NOL4: variants seen among roughly 807,000 people sequenced by gnomAD.
NOL4 encodes the protein cancer/testis antigen 125.
Under a neutral mutation model 75.9 loss-of-function variants are expected in NOL4, and 17 were observed. The ratio of observed to expected loss-of-function variants is 0.22; its 90% CI spans 0.15 to 0.34. The LOEUF (loss-of-function observed/expected upper bound fraction) is 0.34. Ranked by LOEUF, NOL4 falls within the 10% of genes least tolerant of loss-of-function variation. NOL4 has a pLI of 1.00. For missense variants in NOL4, 614 were observed against 793.5 expected (o/e 0.77, Z 2.72); for synonymous variants, 292 against 289.9 (o/e 1.01, Z -0.07).
intron 5 of NOL4, among the ~76,000 whole-genome samples, chr18:34,079,230 A>C (rs2077885191): frequency 1.3e-5 from 2 of 152,026 alleles, no homozygotes; most frequent in African/African-American, 4.8e-5. Flanking sequence ...TTCTCCCCTA[A>C]TTATCCCCAA....
intron 9 of NOL4, among the ~76,000 whole-genome samples, chr18:33,925,817 G>A (rs1379202898): frequency 6.6e-6 from 1 of 152,094 alleles, no homozygotes. Flanking sequence ...AAGGAAACAA[G>A]AAAGGAAGGA....
intron 9 of NOL4, among the ~76,000 whole-genome samples, chr18:33,899,789 G>T (rs1050068476): frequency 2.6e-5 from 4 of 152,128 alleles, no homozygotes; most frequent in African/African-American, 4.8e-5. Flanking sequence ...AGGGGGAATA[G>T]TGTTGGACTT....
At chr18:33,912,124 G>T (rs980440211) in intron 9 of NOL4, among the ~76,000 whole-genome samples, 3 of 152,090 alleles carry the variant, frequency 2.0e-5, no homozygotes, top group African/African-American at 7.2e-5. Context: ...AGTCGACAGA[G>T]ACTGAGTGGC....
rs1207006632 is a variant in NOL4, at chr18:33,852,254, T to TA, written c.*587dup. ...GGCAAAGGGATGTGGAAAAGGTACT[T>TA]ACAGTAGTTTCTCAAAACAGTTTTC... On this transcript the variant is annotated 3_prime_UTR_variant, in exon 11 of 11. Coordinates refer to ENST00000261592, the MANE Select transcript of NOL4 (RefSeq NM_003787.5). 6.6e-6 allele frequency: 1 copy of TA among 152,456 alleles called. No individual in the cohort carries two copies. Among genetic ancestry groups the TA allele is most frequent in the Non-Finnish European group, 1.5e-5 (1 of 67,984 alleles). 9.4% of individuals were successfully genotyped at this position (152,456 alleles called of 1,614,324 possible).
intron 6 of NOL4, among the ~76,000 whole-genome samples, chr18:33,978,318 G>A (rs1416964299): frequency 2.6e-5 from 4 of 152,152 alleles, no homozygotes; most frequent in African/African-American, 9.7e-5. Flanking sequence ...AGGTAGAGTA[G>A]GATAGGAAAA....
At chr18:34,092,719 T>C (rs2078585947) in intron 5 of NOL4, among the ~76,000 whole-genome samples, 1 of 152,182 alleles carries the variant, frequency 6.6e-6, no homozygotes, top group African/African-American at 2.4e-5. Context: ...TTTAAAACCC[T>C]TTTTGTCAGC....
At chr18:34,165,971 C>G (rs985841159) in intron 1 of NOL4, among the ~76,000 whole-genome samples, 1 of 151,812 alleles carries the variant, frequency 6.6e-6, no homozygotes, top group Admixed American at 6.6e-5. Flanking sequence ...TAACTGTGTA[C>G]TAGAAAAAAG....
At chr18:33,976,106 C>T (rs1481780091) in intron 6 of NOL4, among the ~76,000 whole-genome samples, 2 of 152,124 alleles carry the variant, frequency 1.3e-5, no homozygotes, top group East Asian at 3.9e-4. Flanking sequence ...ATCTTAGACA[C>T]TAAACACATT....
chr18:33,873,057 A>C (rs2063772345), intron 10 of NOL4, among the ~76,000 whole-genome samples: 1 of 151,946 alleles, frequency 6.6e-6, no homozygotes, highest in Admixed American at 6.6e-5. Context: ...ATAACTGCAT[A>C]ATTCCAGTTA....
chr18:34,032,772 CA>C (rs750342776), intron 5 of NOL4, among the ~76,000 whole-genome samples: 6 of 152,244 alleles, frequency 3.9e-5, no homozygotes, highest in Non-Finnish European at 8.8e-5. Flanking sequence ...CCTGAACCAA[CA>C]AACACCAGGG....
At chr18:33,963,969 T>C (rs2070365172) in intron 6 of NOL4, among the ~76,000 whole-genome samples, 1 of 152,152 alleles carries the variant, frequency 6.6e-6, no homozygotes, top group Non-Finnish European at 1.5e-5. Flanking sequence ...AAGGCGAACC[T>C]GTGTTTCCTC....
At position 34,019,463 on chromosome 18, in the gene NOL4, A is replaced by T; in HGVS notation, c.911T>A (p.Leu304Gln). 6.2e-7 allele frequency: 1 copy of T among 1,614,024 alleles called. No homozygotes were observed. The highest frequency in any genetic ancestry group is 1.3e-5 in the African/African-American group (1 of 75,010). Residue 304 changes from leucine to glutamine, a missense_variant, in exon 6 of 11, where the codon CTG becomes CAG. Physicochemically the swap from Leu to Gln is moderately radical, Grantham distance 113. Around this residue, in one of 9 missense-constraint regions of NOL4, gnomAD observed 196 missense variants for 167.9 expected, o/e 1.17. Transcript: ENST00000261592. ...AGAGAGGGGACTGTCACTCAGGTTC[A>T]GTGGCTGTTCATCTTGCTCCAGCCC... Reference protein sequence around the residue: ...KTGLEQDEQPLNLSDSPLSAQ... With the variant: ...KTGLEQDEQPQNLSDSPLSAQ...
chr18:34,210,324 G>A (rs1187883498), intron 1 of NOL4, among the ~76,000 whole-genome samples: 1 of 152,146 alleles, frequency 6.6e-6, no homozygotes, highest in Non-Finnish European at 1.5e-5. Context: ...AAGTAGTTCA[G>A]AATTCGAAGT....
intron 6 of NOL4, among the ~76,000 whole-genome samples, chr18:34,006,690 A>T (rs1020048800): frequency 2.0e-5 from 3 of 152,074 alleles, no homozygotes; most frequent in African/African-American, 7.2e-5. Flanking sequence ...GACTCAATTT[A>T]CAGCAAAATA....
At chr18:34,003,038 C>G (rs1262775703) in intron 6 of NOL4, among the ~76,000 whole-genome samples, 3 of 152,078 alleles carry the variant, frequency 2.0e-5, no homozygotes. Context: ...AAATCATTCT[C>G]TGTGTCCTTG....
At chr18:34,181,847 A>G (rs1446740781) in intron 1 of NOL4, among the ~76,000 whole-genome samples, 5 of 151,700 alleles carry the variant, frequency 3.3e-5, no homozygotes, top group African/African-American at 9.7e-5. Context: ...CAAAACCACA[A>G]TGAGATGCTA....
intron 9 of NOL4, among the ~76,000 whole-genome samples, chr18:33,934,328 C>T (rs2067910301): frequency 6.6e-6 from 1 of 152,098 alleles, no homozygotes; most frequent in South Asian, 2.1e-4. Flanking sequence ...TAAATGAAAA[C>T]TGACTTTAAC....
chr18:33,880,948 T>C (rs1425429037), intron 10 of NOL4, among the ~76,000 whole-genome samples: 1 of 152,094 alleles, frequency 6.6e-6, no homozygotes, highest in African/African-American at 2.4e-5. Flanking sequence ...CTTGTTTTTA[T>C]TAATAGCAGA....
intron 9 of NOL4, among the ~76,000 whole-genome samples, chr18:33,910,542 T>C (rs2066335581): frequency 6.6e-6 from 1 of 152,080 alleles, no homozygotes; most frequent in Non-Finnish European, 1.5e-5. Context: ...TCTCTCTTGC[T>C]AGTCCTTCAC....
Sources: gnomAD v4.1 joint callset for allele counts (sites outside exome capture counted in the v4.1 genomes callset) on GRCh38, gnomAD v4.1.1 for gene constraint, gnomAD v4.1.1 regional missense constraint, MANE v1.5 for transcripts, NCBI Gene and HGNC (gene_info 2026-07-23, HGNC 2026-07-21) for gene names.